Variants in ANKLE1 observed in about 807,000 individuals in gnomAD.
The protein encoded by ANKLE1 is structure-specific endonuclease ANKLE1.
Under a neutral mutation model 56.2 loss-of-function variants are expected in ANKLE1, and 59 were observed. That is an observed-to-expected ratio of 1.05 (90% CI 0.85 to 1.30). The LOEUF is 1.30. Ranked by LOEUF, ANKLE1 falls within the 50% of genes most tolerant of loss-of-function variation. ANKLE1 has a pLI of 0.00. For missense variants in ANKLE1, 771 were observed against 816.1 expected, an observed-to-expected ratio of 0.94 and a Z score of 0.67; for synonymous variants, 341 against 352.9, an observed-to-expected ratio of 0.97 and a Z score of 0.38.
chr19:17,286,694 G>GTGTT lies in ANKLE1; in HGVS notation c.*145_*146insTTGT. On this transcript the variant is annotated 3_prime_UTR_variant, in exon 9 of 9. Coordinates refer to ENST00000404085, the MANE Select transcript of ANKLE1 (RefSeq NM_152363.6). ...TGTGTGTGTGTGTGTGTGTGTGTTT[G>GTGTT]TGTGTGTGTGTGTGTGTGTAGGGAG... 1 of 1,320,048 alleles carries GTGTT rather than the reference G, an allele frequency of 7.6e-7. No individual in the cohort carries two copies. The highest frequency in any genetic ancestry group is 4.3e-5 in the East Asian group (1 of 23,266). The allele number at this position is 1,320,048 out of a possible 1,614,324, so 81.8% of individuals were successfully genotyped here. A position where few individuals can be genotyped will look rare whatever the true frequency, so the allele number is the denominator to read the frequency against.
rs764710644 is a variant in ANKLE1 at position 17,285,824 on chromosome 19, G to A, written c.1675+5G>A. 1 of 1,613,246 alleles carries A rather than the reference G, an allele frequency of 6.2e-7. No homozygotes were observed. Among genetic ancestry groups the A allele is most frequent in the Non-Finnish European group, 8.5e-7 (1 of 1,179,800 alleles). On this transcript the variant is annotated splice_donor_5th_base_variant and intron_variant, in intron 8 of 8. Coordinates refer to ENST00000404085, the MANE Select transcript of ANKLE1 (RefSeq NM_152363.6). ...CGTGTATTGTGGAAGCCCTAGGTGG[G>A]TGCCTGGTACCTAGAATGGGGGTCA...
rs1205603709 is a variant in ANKLE1 at position 17,283,299 on chromosome 19, A to T, written c.535A>T (p.Asn179Tyr). 6.2e-7 allele frequency: 1 copy of T among 1,613,544 alleles called. No homozygotes were observed. The highest frequency in any genetic ancestry group is 2.2e-5 in the East Asian group (1 of 44,878). Reference sequence around the variant, plus strand: ...CCAAAAGCAGCCATGCAGAGGTGACAACAGGGACATTGGCTTGGAGGCTGA... The same window carrying T: ...CCAAAAGCAGCCATGCAGAGGTGACTACAGGGACATTGGCTTGGAGGCTGA... ...ALQKQPCRGD[N>Y]RDIGLEADPG... The change falls in exon 5 of 9, where the codon AAC becomes TAC. Residue 179 changes from asparagine (N) to tyrosine (Y), a missense_variant. By Grantham distance (143) the Asn-to-Tyr change is moderately radical. Transcript: ENST00000404085.
Position 17,283,392 on chromosome 19 carries a change from C to G in ANKLE1, c.628C>G (p.Pro210Ala). The G allele has an allele frequency of 6.2e-7, 1 of 1,613,728 alleles. No individual in the cohort carries two copies. Among genetic ancestry groups the G allele is most frequent in the Non-Finnish European group, 8.5e-7 (1 of 1,179,890 alleles). The change falls in exon 5 of 9, where the codon CCA (proline) becomes GCA (alanine). Residue 210 changes from proline to alanine, a missense_variant. Transcript: ENST00000404085. The part of the protein sequence containing the change: ...VDKHGSSASP[P>A]GHWDYSSDAS... The stretch of plus-strand genomic sequence containing the variant: ...CAAACATGGGAGCTCGGCGTCCCCT[C>G]CAGGGCACTGGGATTACAGCTCAGA...
intron 8 of ANKLE1, 87 bp downstream of exon 8, chr19:17,285,906 A>C: frequency 6.5e-7 from 1 of 1,537,454 alleles, no homozygotes. Context: ...AGGGGTGTTC[A>C]TTTGTTGACT....
chr19:17,285,732 G>T lies in ANKLE1; in HGVS notation c.1588G>T (p.Gly530Cys). The change falls in exon 8 of 9, where the codon GGT becomes TGT. Residue 530 changes from glycine to cysteine, a missense_variant. Gly to Cys is a radical substitution (Grantham distance 159). Coordinates refer to ENST00000404085, the MANE Select transcript of ANKLE1 (RefSeq NM_152363.6). ...VRQILDIWAS[G>C]CGVVSLHCFQ... ...TCAGATCTTGGACATCTGGGCCAGTGGTTGCGGTGTTGTGTCCCTACATTG... is the reference window on the plus strand; with the variant it reads ...TCAGATCTTGGACATCTGGGCCAGTTGTTGCGGTGTTGTGTCCCTACATTG... 1 of 1,613,954 alleles carries T rather than the reference G, an allele frequency of 6.2e-7. No homozygotes were observed. Among genetic ancestry groups the T allele is most frequent in the Non-Finnish European group, 8.5e-7 (1 of 1,179,886 alleles).
chr19:17,285,512 C>G lies in ANKLE1; in HGVS notation c.1458C>G (p.Tyr486Ter), dbSNP rs199646879. 3 of 1,613,808 alleles carry G rather than the reference C, an allele frequency of 1.9e-6. No homozygotes were observed. In the South Asian group the frequency reaches 3.3e-5, roughly 18 times the overall value. ...AGACTTTCATCCGTGCCATCTTCTA[C>G]GTGGGCAAAGGGACGAGGGCCCGGC... Reference protein sequence around the residue: ...RLQTFIRAIFYVGKGTRARPY... With the variant: ...RLQTFIRAIF Residue 486 changes from tyrosine (Y) to a stop codon, truncating the protein, a stop_gained, in exon 7 of 9, where the codon TAC becomes TAG. Transcript: ENST00000404085. LOFTEE classifies it high-confidence loss of function.
rs544403204 is a variant in ANKLE1, at chr19:17,283,687, G to A, written c.923G>A (p.Arg308Gln). ...LDRSPAHSPP[R>Q]TPTPGASDCH... ...AGGAGTCCAGCTCATAGCCCCCCAC[G>A]GACACCAACCCCTGGAGCTTCTGAC... The change falls in exon 5 of 9, where the codon CGG becomes CAG. Residue 308 changes from arginine (R) to glutamine (Q), a missense_variant. Physicochemically the swap from Arg to Gln is conservative, Grantham distance 43. Coordinates refer to ENST00000404085, the MANE Select transcript of ANKLE1 (RefSeq NM_152363.6). 8.4e-5 allele frequency: 135 copies of A among 1,613,368 alleles called. No homozygotes were observed. Among genetic ancestry groups the A allele is most frequent in the South Asian group, 2.2e-4 (20 of 91,066 alleles).
Position 17,282,221 on chromosome 19 carries a change from C to G in ANKLE1, c.215+12C>G. The G allele has an allele frequency of 6.8e-7, 1 of 1,474,850 alleles. No individual in the cohort carries two copies. The highest frequency in any genetic ancestry group is 9.0e-7 in the Non-Finnish European group (1 of 1,117,214). The allele number at this position is 1,474,850 out of a possible 1,614,324, so 91.4% of individuals were successfully genotyped here. A position where few individuals can be genotyped will look rare whatever the true frequency, so the allele number is the denominator to read the frequency against. On this transcript the variant is annotated intron_variant, in intron 2 of 8. Transcript: ENST00000404085. ...GACCCCAACGCTCGGTAAGATAGAGCCTGGGTCCGGGGCGGGGTCTCCCCA... is the reference window on the plus strand; with the variant it reads ...GACCCCAACGCTCGGTAAGATAGAGGCTGGGTCCGGGGCGGGGTCTCCCCA...
In ANKLE1 at chr19:17,285,466, T is replaced by A; in HGVS notation, c.1412T>A (p.Leu471Gln). ...TQDLPARAFSLTPAERLQTFI... is the reference protein window; with the variant it reads ...TQDLPARAFSQTPAERLQTFI... ...GACCTGCCAGCCCGAGCCTTCTCAC[T>A]GACCCCAGCTGAGCGCCTTCAGACT... The change falls in exon 7 of 9, where the codon CTG becomes CAG. Residue 471 changes from leucine to glutamine, a missense_variant. Transcript: ENST00000404085. 6.2e-7 allele frequency: 1 copy of A among 1,613,896 alleles called. No individual in the cohort carries two copies. Among genetic ancestry groups the A allele is most frequent in the Non-Finnish European group, 8.5e-7 (1 of 1,179,892 alleles).
chr19:17,283,846 T>A lies in ANKLE1; in HGVS notation c.1082T>A (p.Val361Glu). 1 of 1,613,720 alleles carries A rather than the reference T, an allele frequency of 6.2e-7. No individual in the cohort carries two copies. Among genetic ancestry groups the A allele is most frequent in the Non-Finnish European group, 8.5e-7 (1 of 1,179,884 alleles). The change falls in exon 5 of 9, where the codon GTG becomes GAG. Residue 361 changes from valine (V) to glutamate (E), a missense_variant. Transcript: ENST00000404085. ...TGCCGGCACCTGCCAGTCTCCACTG[T>A]GTCTGACTTGGAGTTGCTGAAGGGA... ...GPCRHLPVST[V>E]SDLELLKGLR...
chr19:17,286,259 C>T (rs547375469), intron 8 of ANKLE1, 121 bp from the exon 9 acceptor site: 3 of 1,334,648 alleles, frequency 2.2e-6, no homozygotes, highest in Admixed American at 5.5e-5. Flanking sequence ...ATGTGATCTA[C>T]CCAAAGTGTT....
Position 17,282,712 on chromosome 19 carries a change from G to A in ANKLE1, c.272G>A (p.Gly91Asp), listed in dbSNP as rs777428260. ...GCCGCCGCGTGGGGCTGCCGCCGCG[G>A]CCTGGAGCTGCTGCTGAGCCAAGGA... is the stretch of plus-strand genomic sequence containing the variant. ...HVAAAWGCRR[G>D]LELLLSQGAD... The change falls in exon 3 of 9, where the codon GGC becomes GAC. Residue 91 changes from glycine to aspartate, a missense_variant. Transcript: ENST00000404085. The A allele has an allele frequency of 6.5e-7, 1 of 1,538,206 alleles. No homozygotes were observed. Among genetic ancestry groups the A allele is most frequent in the Non-Finnish European group, 8.7e-7 (1 of 1,148,326 alleles).
chr19:17,282,039 T>C lies in ANKLE1; in HGVS notation c.63-18T>C, dbSNP rs2145634266. The C allele has an allele frequency of 2.6e-6, 4 of 1,537,578 alleles. No homozygotes were observed. The highest frequency in any genetic ancestry group is 1.7e-4 in the Middle Eastern group (1 of 5,842). On this transcript the variant is annotated intron_variant, in intron 1 of 8. Transcript: ENST00000404085. Reference sequence around the variant, plus strand: ...GGGGGTCTTTGGCCGGGGTCCACTCTGACCGCGGTGTTTGCAGGGCAGTAG... The same window carrying C: ...GGGGGTCTTTGGCCGGGGTCCACTCCGACCGCGGTGTTTGCAGGGCAGTAG...
intron 2 of ANKLE1, 108 bp downstream of exon 2, chr19:17,282,317 G>T (rs2073982389): frequency 6.6e-6 from 9 of 1,373,346 alleles, no homozygotes; most frequent in Non-Finnish European, 8.6e-6. Context: ...CGAGGGTGGG[G>T]TTTAGGGGAT....
Position 17,285,111 on chromosome 19 carries a change from T to G in ANKLE1, c.1377-320T>G, listed in dbSNP as rs555423973. 2.3e-3 allele frequency among the ~76,000 whole-genome samples: 350 copies of G among 152,178 alleles called. 3 individuals carry two copies. Among genetic ancestry groups the G allele is most frequent in the Non-Finnish European group, 3.8e-3 (255 of 67,996 alleles). Reference sequence around the variant, plus strand: ...CCCATTTCTACTAAAAATACAAAATTAGCCAGGTGTGTTGGTGCATGCCTG... The same window carrying G: ...CCCATTTCTACTAAAAATACAAAATGAGCCAGGTGTGTTGGTGCATGCCTG... On this transcript the variant is annotated intron_variant, in intron 6 of 8. Coordinates refer to ENST00000404085, the MANE Select transcript of ANKLE1 (RefSeq NM_152363.6).
chr19:17,283,204 G>A (rs2073993747), intron 4 of ANKLE1, 21 bp from the exon 5 acceptor site: 2 of 1,591,586 alleles, frequency 1.3e-6, no homozygotes, highest in Middle Eastern at 1.7e-4. Context: ...TCTCCTCTCT[G>A]GCCCCCACTC....
Position 17,282,925 on chromosome 19 carries a change from TGCAGGATCTCGACAC to T in ANKLE1, c.386_400del (p.Gln129_Thr133del). 4 of 1,572,610 alleles carry T rather than the reference TGCAGGATCTCGACAC, an allele frequency of 2.5e-6. No homozygotes were observed. The highest frequency in any genetic ancestry group is 3.4e-6 in the Non-Finnish European group (4 of 1,165,216). ...GGACACCTGGAGTGCGCGCGAGTCC[TGCAGGATCTCGACAC>T]GCGGACCAGGACCCGGACCCGGATC... On this transcript the variant is annotated inframe_deletion, in exon 4 of 9. Transcript: ENST00000404085.
rs2073995162 is a variant in ANKLE1 at position 17,283,311 on chromosome 19, G to A, written c.547G>A (p.Gly183Ser). The change falls in exon 5 of 9, where the codon GGC becomes AGC. Residue 183 changes from glycine to serine, a missense_variant. Coordinates refer to ENST00000404085, the MANE Select transcript of ANKLE1 (RefSeq NM_152363.6). ...QPCRGDNRDIGLEADPGPPSL... is the reference protein window; with the variant it reads ...QPCRGDNRDISLEADPGPPSL... ...ATGCAGAGGTGACAACAGGGACATTGGCTTGGAGGCTGACCCAGGACCCCC... is the reference window on the plus strand; with the variant it reads ...ATGCAGAGGTGACAACAGGGACATTAGCTTGGAGGCTGACCCAGGACCCCC... The A allele has an allele frequency of 5.0e-6, 8 of 1,613,484 alleles. No individual in the cohort carries two copies. The highest frequency in any genetic ancestry group is 5.9e-6 in the Non-Finnish European group (7 of 1,179,888).
chr19:17,282,771 C>T lies in ANKLE1; in HGVS notation c.321+10C>T. 6.4e-7 allele frequency: 1 copy of T among 1,554,378 alleles called. No homozygotes were observed. The highest frequency in any genetic ancestry group is 8.6e-7 in the Non-Finnish European group (1 of 1,157,330). On this transcript the variant is annotated intron_variant, in intron 3 of 8. Transcript: ENST00000404085. ...GGCGCTGCGCGACCAGGTTGGGAGG[C>T]ACTGCGCGGGCAAAGAAAGGCTGGG...
Sources: gnomAD v4.1 joint callset for allele counts (sites outside exome capture counted in the v4.1 genomes callset) on GRCh38, gnomAD v4.1.1 for gene constraint, MANE v1.5 for transcripts, NCBI Gene and HGNC (gene_info 2026-07-23, HGNC 2026-07-21) for gene names.